Variants in EYA4 observed in about 807,000 individuals in gnomAD.
EYA4 encodes the protein protein phosphatase EYA4.
In EYA4, 31 loss-of-function variants were observed where a neutral mutation model predicts 87.9. The ratio of observed to expected loss-of-function variants is 0.35; its 90% CI spans 0.27 to 0.48. The LOEUF is 0.48. Among genes scored for constraint, EYA4 ranks in the 20% least tolerant of loss-of-function variants. The pLI, the probability that EYA4 is intolerant of heterozygous loss-of-function variation, is 0.99. For missense variants in EYA4, 678 were observed against 761.4 expected, an observed-to-expected ratio of 0.89 and a Z score of 1.29; for synonymous variants, 263 against 270.6, an observed-to-expected ratio of 0.97 and a Z score of 0.28.
At chr6:133,524,984 C>T (rs1240710992) in intron 18 of EYA4, 170 bp from the exon 19 acceptor site, 1 of 1,559,410 alleles carries the variant, frequency 6.4e-7, no homozygotes, top group South Asian at 1.1e-5. Flanking sequence ...AATGCAGTGG[C>T]TGGAAGAATA....
intron 3 of EYA4, among the ~76,000 whole-genome samples, chr6:133,390,110 A>G (rs963038859): frequency 1.5e-4 from 23 of 152,210 alleles, no homozygotes; most frequent in African/African-American, 5.5e-4. Flanking sequence ...TTAAAAGTTT[A>G]TATGTGCAGG....
chr6:133,501,345 G>C (rs945000225), intron 13 of EYA4, among the ~76,000 whole-genome samples: 1 of 151,920 alleles, frequency 6.6e-6, no homozygotes, highest in Admixed American at 6.6e-5. Flanking sequence ...AAAGGTACGG[G>C]CTTTGCTTTT....
intron 11 of EYA4, among the ~76,000 whole-genome samples, chr6:133,475,212 C>T (rs118075187): frequency 6.6e-6 from 1 of 152,038 alleles, no homozygotes; most frequent in Non-Finnish European, 1.5e-5. Context: ...AGACATTTTA[C>T]TTCATTCTCT....
chr6:133,516,490 A>G (rs1178187498), intron 17 of EYA4, among the ~76,000 whole-genome samples: 1 of 151,862 alleles, frequency 6.6e-6, no homozygotes, highest in Admixed American at 6.6e-5. Context: ...AGGCAGGTGG[A>G]TCACGAGGTC....
At chr6:133,518,439 T>A (rs1181064231) in intron 17 of EYA4, among the ~76,000 whole-genome samples, 1 of 152,138 alleles carries the variant, frequency 6.6e-6, no homozygotes, top group Non-Finnish European at 1.5e-5. Flanking sequence ...TTGCCATTAC[T>A]TTTAATGGCA....
Position 133,531,244 on chromosome 6 carries a change from G to A in EYA4, c.*2439G>A, listed in dbSNP as rs1298238435. On this transcript the variant is annotated 3_prime_UTR_variant, in exon 20 of 20. Coordinates refer to ENST00000355286, the MANE Select transcript of EYA4 (RefSeq NM_004100.5). ...CGGCATAAAACCTAAATGCAAGGTT[G>A]ACGGAGAACAGCTTGTCTGGCACAA... 2.0e-6 allele frequency: 3 copies of A among 1,520,374 alleles called. No homozygotes were observed. The highest frequency in any genetic ancestry group is 2.6e-6 in the Non-Finnish European group (3 of 1,133,534). 94.2% of individuals were successfully genotyped at this position (1,520,374 alleles called of 1,614,324 possible).
intron 3 of EYA4, among the ~76,000 whole-genome samples, chr6:133,437,489 T>C (rs539724427): frequency 2.6e-5 from 4 of 152,270 alleles, no homozygotes; most frequent in Admixed American, 6.5e-5. Flanking sequence ...ATGTGGAAAA[T>C]TATATATTAA....
chr6:133,394,113 A>G (rs34925767), intron 3 of EYA4, among the ~76,000 whole-genome samples: 11,794 of 152,202 alleles, frequency 0.077, 663 homozygotes, highest in East Asian at 0.22. Flanking sequence ...ATGAATTTCT[A>G]TCACCTGATA....
chr6:133,478,006 A>G (rs1405667564), intron 11 of EYA4, among the ~76,000 whole-genome samples: 2 of 152,114 alleles, frequency 1.3e-5, no homozygotes, highest in Non-Finnish European at 2.9e-5. Context: ...AGTATTCTTC[A>G]TAATTACTCA....
At chr6:133,490,589 A>G (rs577091990) in intron 13 of EYA4, among the ~76,000 whole-genome samples, 1 of 152,094 alleles carries the variant, frequency 6.6e-6, no homozygotes, top group Non-Finnish European at 1.5e-5. Context: ...ACAAAAAAAA[A>G]CTATAAAAAT....
chr6:133,375,641 T>A (rs1562346695), intron 2 of EYA4, among the ~76,000 whole-genome samples: 1 of 151,826 alleles, frequency 6.6e-6, no homozygotes, highest in East Asian at 1.9e-4. Context: ...TATCAATTTT[T>A]AAAAAAATTA....
chr6:133,327,927 A>G (rs1158664583), intron 2 of EYA4, among the ~76,000 whole-genome samples: 1 of 152,198 alleles, frequency 6.6e-6, no homozygotes, highest in Non-Finnish European at 1.5e-5. Flanking sequence ...TAGAGACTAT[A>G]GAGTCGTCAG....
At chr6:133,272,656 C>T (rs1338308497) in intron 1 of EYA4, among the ~76,000 whole-genome samples, 1 of 152,148 alleles carries the variant, frequency 6.6e-6, no homozygotes, top group African/African-American at 2.4e-5. Flanking sequence ...TGTCATTCAC[C>T]TATGGGGGCC....
chr6:133,523,929 A>G (rs1800403477), intron 18 of EYA4, among the ~76,000 whole-genome samples: 1 of 152,196 alleles, frequency 6.6e-6, no homozygotes, highest in Admixed American at 6.6e-5. Flanking sequence ...GCTCTGGCAC[A>G]TTGACAAGAG....
chr6:133,317,182 T>G lies in EYA4; in HGVS notation c.33+42369T>G, dbSNP rs563821828. Among the ~76,000 whole-genome samples the G allele has an allele frequency of 3.3e-5, 5 of 152,294 alleles. No individual in the cohort carries two copies. The South Asian group carries it at 1.0e-3, about 32-fold the overall frequency. ...AAAAAGTCAGAAGGCTCTGAGACATTAAGAAAGAGATACTTGTGGGCAGCT... is the reference window on the plus strand; with the variant it reads ...AAAAAGTCAGAAGGCTCTGAGACATGAAGAAAGAGATACTTGTGGGCAGCT... On this transcript the variant is annotated intron_variant, in intron 2 of 19. Transcript: ENST00000355286.
At chr6:133,393,243 A>G (rs1787456756) in intron 3 of EYA4, among the ~76,000 whole-genome samples, 1 of 152,030 alleles carries the variant, frequency 6.6e-6, no homozygotes, top group Non-Finnish European at 1.5e-5. Context: ...AGAAAGGGGG[A>G]TATAGTGGTT....
chr6:133,416,859 C>T (rs532884107), intron 3 of EYA4, among the ~76,000 whole-genome samples: 27 of 152,298 alleles, frequency 1.8e-4, no homozygotes, highest in Middle Eastern at 3.4e-3. Context: ...CTCCCTATAG[C>T]GTTCAAACGG....
chr6:133,495,617 T>C (rs1266173170), intron 13 of EYA4, among the ~76,000 whole-genome samples: 2 of 152,020 alleles, frequency 1.3e-5, no homozygotes, highest in Non-Finnish European at 2.9e-5. Context: ...ATGCAGAGAA[T>C]AGAATTTAGA....
chr6:133,395,753 T>A (rs1196619766), intron 3 of EYA4, among the ~76,000 whole-genome samples: 1 of 152,144 alleles, frequency 6.6e-6, no homozygotes, highest in African/African-American at 2.4e-5. Flanking sequence ...AGAGCAAGAC[T>A]TCGTCTAAAA....
Sources: allele counts gnomAD v4.1 joint callset (sites outside exome capture counted in the v4.1 genomes callset), GRCh38; gene constraint gnomAD v4.1.1; transcripts MANE v1.5; gene names NCBI Gene and HGNC (gene_info 2026-07-23, HGNC 2026-07-21).